FHIT: variants seen among roughly 807,000 people sequenced by gnomAD.
FHIT encodes bis(5'-adenosyl)-triphosphatase.
A neutral mutation model predicts 17.9 loss-of-function variants in FHIT; 19 were observed. That is an observed-to-expected ratio of 1.06 (90% CI 0.74 to 1.56). FHIT has a LOEUF of 1.56. FHIT is among the 40% of genes most tolerant of loss of function. The pLI is 0.00. For synonymous variants in FHIT, 81 were observed against 69.7 expected, an observed-to-expected ratio of 1.16 and a Z score of -0.81; for missense variants, 248 against 189.2, an observed-to-expected ratio of 1.31 and a Z score of -1.82.
At position 60,519,705 on chromosome 3, in the gene FHIT, G is replaced by T. The variant is rs78374032; in HGVS notation, c.103+17155C>A. ...CAAGATGAATCATCTGTCTAAAACT[G>T]TAGGTACATATCAAGGAATTTAACC... On this transcript the variant is annotated intron_variant, in intron 5 of 9. Transcript: ENST00000492590. Among the ~76,000 whole-genome samples, 717 of 152,236 alleles carry T rather than the reference G, an allele frequency of 4.7e-3. 5 individuals carry two copies. The highest frequency in any genetic ancestry group is 8.9e-3 in the Non-Finnish European group (603 of 68,006).
intron 8 of FHIT, among the ~76,000 whole-genome samples, chr3:59,853,902 A>T (rs927333042): frequency 1.3e-5 from 2 of 152,204 alleles, no homozygotes; most frequent in African/African-American, 2.4e-5. Context: ...AAGTCATGGA[A>T]TCTCAGTGCT....
intron 7 of FHIT, among the ~76,000 whole-genome samples, chr3:59,962,520 G>T (rs1707734768): frequency 6.6e-6 from 1 of 152,144 alleles, no homozygotes; most frequent in Non-Finnish European, 1.5e-5. Context: ...TTTTGGGAGG[G>T]GAGGGAGTCT....
intron 1 of FHIT, among the ~76,000 whole-genome samples, chr3:61,240,298 G>A (rs1371006105): frequency 6.6e-6 from 1 of 152,110 alleles, no homozygotes; most frequent in Non-Finnish European, 1.5e-5. Context: ...AGCAGCTCTC[G>A]TTAACCAGGG....
intron 1 of FHIT, among the ~76,000 whole-genome samples, chr3:61,233,448 T>C (rs1440584807): frequency 6.6e-6 from 1 of 152,254 alleles, no homozygotes; most frequent in Admixed American, 6.5e-5. Flanking sequence ...ATAGTATATT[T>C]TTTAAATCAT....
At chr3:60,789,286 A>C (rs1251556739) in intron 4 of FHIT, among the ~76,000 whole-genome samples, 2 of 151,918 alleles carry the variant, frequency 1.3e-5, no homozygotes, top group African/African-American at 4.8e-5. Flanking sequence ...TGGGAGGCCA[A>C]GGCGGGTAGA....
intron 5 of FHIT, among the ~76,000 whole-genome samples, chr3:60,189,006 G>A (rs546834906): frequency 7.3e-4 from 111 of 152,120 alleles, no homozygotes; most frequent in African/African-American, 2.6e-3. Flanking sequence ...TCTGCAGCCC[G>A]GTGAATAAAG....
At chr3:61,144,678 T>C (rs2037177828) in intron 2 of FHIT, among the ~76,000 whole-genome samples, 1 of 152,196 alleles carries the variant, frequency 6.6e-6, no homozygotes, top group Admixed American at 6.5e-5. Context: ...ATGAGGGTTT[T>C]AATTTCTCCT....
chr3:60,467,022 C>G (rs147964426), intron 5 of FHIT, among the ~76,000 whole-genome samples: 7 of 151,782 alleles, frequency 4.6e-5, no homozygotes, highest in Admixed American at 3.9e-4. Context: ...CTTTGCTGAG[C>G]GACTTCATTA....
At chr3:60,240,596 A>G (rs1175804584) in intron 5 of FHIT, among the ~76,000 whole-genome samples, 1 of 152,206 alleles carries the variant, frequency 6.6e-6, no homozygotes, top group Non-Finnish European at 1.5e-5. Flanking sequence ...TCCAAATATA[A>G]TTTCGTTTTT....
At chr3:60,823,776 C>A (rs1553740092) in intron 3 of FHIT, among the ~76,000 whole-genome samples, 1 of 152,096 alleles carries the variant, frequency 6.6e-6, no homozygotes, top group African/African-American at 2.4e-5. Context: ...GAGATTGTTG[C>A]ATTTTTGAGC....
At chr3:60,230,403 A>C (rs1038707729) in intron 5 of FHIT, among the ~76,000 whole-genome samples, 1 of 152,312 alleles carries the variant, frequency 6.6e-6, no homozygotes, top group Admixed American at 6.5e-5. Flanking sequence ...TTGTAAGATG[A>C]CATTATAATT....
At chr3:60,813,719 G>C (rs1701643753) in intron 4 of FHIT, among the ~76,000 whole-genome samples, 1 of 152,138 alleles carries the variant, frequency 6.6e-6, no homozygotes, top group Non-Finnish European at 1.5e-5. Flanking sequence ...GATTGAGACA[G>C]TCGTCAAAAA....
intron 4 of FHIT, among the ~76,000 whole-genome samples, chr3:60,798,557 T>C (rs1042796357): frequency 1.6e-4 from 25 of 152,150 alleles, no homozygotes; most frequent in Admixed American, 4.6e-4. Flanking sequence ...TTTTAAATAT[T>C]TAGACAGATG....
intron 5 of FHIT, among the ~76,000 whole-genome samples, chr3:60,308,209 A>C (rs1708771698): frequency 6.6e-6 from 1 of 152,048 alleles, no homozygotes; most frequent in South Asian, 2.1e-4. Context: ...AAGTTACTTA[A>C]CCTCACAAAG....
intron 5 of FHIT, among the ~76,000 whole-genome samples, chr3:60,138,301 C>T (rs1053275696): frequency 6.6e-6 from 1 of 152,084 alleles, no homozygotes; most frequent in Non-Finnish European, 1.5e-5. Context: ...GTGACTAGAA[C>T]CCAAAGAGAG....
rs374054590 is a variant in FHIT at position 61,161,445 on chromosome 3, G to A, written c.-164+39172C>T. Among the ~76,000 whole-genome samples the A allele has an allele frequency of 1.8e-4, 27 of 152,070 alleles. No homozygotes were observed. In the East Asian group the frequency reaches 2.1e-3, roughly 12 times the overall value. On this transcript the variant is annotated intron_variant, in intron 2 of 9. Transcript: ENST00000492590. The stretch of plus-strand genomic sequence containing the variant: ...TCTCGATCTCCTGATTTCGTGATCC[G>A]CCCACCTTGGCCTCCCAAAGTGCTG...
Position 61,097,781 on chromosome 3 carries a change from C to T in FHIT, c.-163-55682G>A, listed in dbSNP as rs2106836572. Among the ~76,000 whole-genome samples, 3 of 152,178 alleles carry T rather than the reference C, an allele frequency of 2.0e-5. No homozygotes were observed. The South Asian group carries it at 6.2e-4, about 32-fold the overall frequency. On this transcript the variant is annotated intron_variant, in intron 2 of 9. Coordinates refer to ENST00000492590, the MANE Select transcript of FHIT (RefSeq NM_002012.4). The stretch of plus-strand genomic sequence containing the variant: ...GAAAAGTGTTTGTTCATGTCCTTTG[C>T]CCACTTTTTAATGGGGTTGTTTTTC...
At chr3:61,196,878 C>G (rs911583281) in intron 2 of FHIT, among the ~76,000 whole-genome samples, 1 of 152,182 alleles carries the variant, frequency 6.6e-6, no homozygotes, top group African/African-American at 2.4e-5. Flanking sequence ...ATATTTCAAC[C>G]TCGTGTTCCC....
chr3:60,069,487 C>T (rs945015270), intron 5 of FHIT, among the ~76,000 whole-genome samples: 1 of 152,128 alleles, frequency 6.6e-6, no homozygotes, highest in Non-Finnish European at 1.5e-5. Flanking sequence ...AACACTGCTC[C>T]AGGGGCTGCA....
Sources: allele counts gnomAD v4.1 joint callset (sites outside exome capture counted in the v4.1 genomes callset), GRCh38; gene constraint gnomAD v4.1.1; transcripts MANE v1.5; gene names NCBI Gene and HGNC (gene_info 2026-07-23, HGNC 2026-07-21).